Variants in ABCA3 observed in about 807,000 individuals in gnomAD.
ABCA3 encodes the protein ATP binding cassette subfamily A member 3.
A neutral mutation model predicts 172.8 loss-of-function variants in ABCA3; 88 were observed. The observed-to-expected ratio is 0.51, with a 90% confidence interval of 0.43 to 0.61. ABCA3 has a LOEUF of 0.61. ABCA3 is among the 20% of genes least tolerant of loss of function. The probability of loss-of-function intolerance (pLI) is 0.00; values close to 1 mark genes in which losing one functional copy is unlikely to be tolerated. For synonymous variants in ABCA3, 1,066 were observed against 983.8 expected, an observed-to-expected ratio of 1.08 and a Z score of -1.56; for missense variants, 2,164 against 2,301.0, an observed-to-expected ratio of 0.94 and a Z score of 1.22.
At position 2,285,745 on chromosome 16, in the gene ABCA3, C is replaced by T. The variant is rs2093662146; in HGVS notation, c.3279-99G>A. Reference sequence around the variant, plus strand: ...TGACCGCCCAAGGCATGCAGGGCAGCAGCCCAACCACTAAAGGGGCTTATG... The same window carrying T: ...TGACCGCCCAAGGCATGCAGGGCAGTAGCCCAACCACTAAAGGGGCTTATG... On this transcript the variant is annotated intron_variant, in intron 22 of 32. Transcript: ENST00000301732. The surrounding 1 kb of genome is among the most constrained non-coding windows in gnomAD (Gnocchi z 4.7). The T allele has an allele frequency of 8.5e-7, 1 of 1,172,196 alleles. No individual in the cohort carries two copies. The highest frequency in any genetic ancestry group is 1.3e-5 in the South Asian group (1 of 75,762). The allele number at this position is 1,172,196 out of a possible 1,614,324, so 72.6% of individuals were successfully genotyped here.
At chr16:2,302,751 C>T (rs1165017534) in intron 12 of ABCA3, among the ~76,000 whole-genome samples, 1 of 151,698 alleles carries the variant, frequency 6.6e-6, no homozygotes, top group East Asian at 1.9e-4. Flanking sequence ...TCCCAAAGTG[C>T]TGGGATTACA....
In ABCA3 at chr16:2,285,750, C is replaced by T. The variant is rs1567338706; in HGVS notation, c.3279-104G>A. On this transcript the variant is annotated intron_variant, in intron 22 of 32. Transcript: ENST00000301732. The surrounding 1 kb of genome is among the most constrained non-coding windows in gnomAD (Gnocchi z 4.7). ...GCCCAAGGCATGCAGGGCAGCAGCC[C>T]AACCACTAAAGGGGCTTATGGGAGA... The T allele has an allele frequency of 8.8e-7, 1 of 1,137,024 alleles. No individual in the cohort carries two copies. The highest frequency in any genetic ancestry group is 1.5e-5 in the African/African-American group (1 of 65,076). 70.4% of individuals were successfully genotyped at this position (1,137,024 alleles called of 1,614,324 possible). A position where few individuals can be genotyped will look rare whatever the true frequency, so the allele number is the denominator to read the frequency against.
Position 2,276,307 on chromosome 16 carries a change from G to C in ABCA3, c.*367C>G, listed in dbSNP as rs2141685997. On this transcript the variant is annotated 3_prime_UTR_variant, in exon 33 of 33. Coordinates refer to ENST00000301732, the MANE Select transcript of ABCA3 (RefSeq NM_001089.3). ...GGAGATTAGTGTCGTGTGTAAACTT[G>C]GACAAGTCACTGGGTCCTCTCTCCA... 1 of 469,762 alleles carries C rather than the reference G, an allele frequency of 2.1e-6. No homozygotes were observed. Among genetic ancestry groups the C allele is most frequent in the East Asian group, 6.5e-5 (1 of 15,422 alleles). 29.1% of individuals were successfully genotyped at this position (469,762 alleles called of 1,614,324 possible). A position where few individuals can be genotyped will look rare whatever the true frequency, so the allele number is the denominator to read the frequency against.
chr16:2,318,009 G>T (rs1334206295), intron 8 of ABCA3, among the ~76,000 whole-genome samples: 1 of 152,192 alleles, frequency 6.6e-6, no homozygotes, highest in Non-Finnish European at 1.5e-5. Flanking sequence ...CCTCCATTCT[G>T]TAGAGCGATT....
At position 2,297,781 on chromosome 16, in the gene ABCA3, G is replaced by A. The variant is rs367578394; in HGVS notation, c.2037C>T (p.Leu679=). The A allele has an allele frequency of 5.6e-6, 9 of 1,612,532 alleles. No individual in the cohort carries two copies. The highest frequency in any genetic ancestry group is 4.2e-6 in the Non-Finnish European group (5 of 1,180,046). Residue 679 remains leucine, a synonymous_variant, in exon 16 of 33, where the codon CTC becomes CTT. Coordinates refer to ENST00000301732, the MANE Select transcript of ABCA3 (RefSeq NM_001089.3). The surrounding 1 kb of genome is among the most constrained non-coding windows in gnomAD (Gnocchi z 5.6). The part of the protein sequence containing the change: ...MRRKLSIGIA[L]IAGSKVLILD... ...ACCGCCACACCTTGGAGCCTGCGAT[G>A]AGGGCGATGCCGATGGAGAGCTTGC...
In ABCA3 at chr16:2,284,753, G is replaced by T; in HGVS notation, c.3703+26C>A. ...AGTGGCTCCGTGGATGGCCATGGGG[G>T]CTGCGGGTGGTCTCCAGGTGCCCAC... is the stretch of plus-strand genomic sequence containing the variant. On this transcript the variant is annotated intron_variant, in intron 24 of 32. Transcript: ENST00000301732. The surrounding 1 kb of genome is among the most constrained non-coding windows in gnomAD (Gnocchi z 5.9). 1.9e-6 allele frequency: 3 copies of T among 1,605,548 alleles called. No individual in the cohort carries two copies. Among genetic ancestry groups the T allele is most frequent in the Non-Finnish European group, 1.7e-6 (2 of 1,176,084 alleles).
chr16:2,290,794 G>T (rs913389132), intron 19 of ABCA3, among the ~76,000 whole-genome samples: 9 of 152,192 alleles, frequency 5.9e-5, no homozygotes, highest in Admixed American at 2.0e-4. Flanking sequence ...GCACCACCAT[G>T]TCCTGCATGT....
Position 2,321,909 on chromosome 16 carries a change from C to G in ABCA3, c.613+1614G>C, listed in dbSNP as rs550248190. Among the ~76,000 whole-genome samples the G allele has an allele frequency of 5.3e-5, 8 of 152,266 alleles. No individual in the cohort carries two copies. The South Asian group carries it at 1.7e-3, about 32-fold the overall frequency. ...GAACTCAAACGGGAGCTTTTAAAAGCTGACGTACAGCCGGGTGTGGTGGCT... is the reference window on the plus strand; with the variant it reads ...GAACTCAAACGGGAGCTTTTAAAAGGTGACGTACAGCCGGGTGTGGTGGCT... On this transcript the variant is annotated intron_variant, in intron 7 of 32. Coordinates refer to ENST00000301732, the MANE Select transcript of ABCA3 (RefSeq NM_001089.3).
Position 2,334,515 on chromosome 16 carries a change from A to AT in ABCA3, c.-538-4662dup, listed in dbSNP as rs35067281. ...TGGATGAAATGCCCAAACACCAGTAATTTTTTTTTTTTTTTTTGAGACGGC... is the reference window on the plus strand; with the variant it reads ...TGGATGAAATGCCCAAACACCAGTAATTTTTTTTTTTTTTTTTTGAGACGGC... On this transcript the variant is annotated intron_variant, in intron 1 of 32. Coordinates refer to ENST00000301732, the MANE Select transcript of ABCA3 (RefSeq NM_001089.3). Among the ~76,000 whole-genome samples the AT allele has an allele frequency of 6.6e-3, 926 of 140,612 alleles. 2 individuals carry two copies. Among genetic ancestry groups the AT allele is most frequent in the Non-Finnish European group, 8.3e-3 (535 of 64,182 alleles). 92.2% of individuals were successfully genotyped at this position (140,612 alleles called of 152,430 possible).
intron 12 of ABCA3, among the ~76,000 whole-genome samples, chr16:2,303,012 T>C (rs1355320172): frequency 6.6e-6 from 1 of 151,906 alleles, no homozygotes; most frequent in Non-Finnish European, 1.5e-5. Context: ...CTGGCCAGGC[T>C]GGTCTCAAAC....
Position 2,317,641 on chromosome 16 carries a change from T to G in ABCA3, c.990+7A>C, listed in dbSNP as rs757017939. 10 of 1,613,980 alleles carry G rather than the reference T, an allele frequency of 6.2e-6. No homozygotes were observed. Among genetic ancestry groups the G allele is most frequent in the Non-Finnish European group, 2.5e-6 (3 of 1,179,948 alleles). Reference sequence around the variant, plus strand: ...CCTCACCAGAGCCCCACCGACGCCATGCTCACCTTGACACAGAAGAGCAGG... The same window carrying G: ...CCTCACCAGAGCCCCACCGACGCCAGGCTCACCTTGACACAGAAGAGCAGG... On this transcript the variant is annotated splice_region_variant and intron_variant, in intron 9 of 32. Coordinates refer to ENST00000301732, the MANE Select transcript of ABCA3 (RefSeq NM_001089.3).
In ABCA3 at chr16:2,279,160, G is replaced by A; in HGVS notation, c.4360-30C>T. On this transcript the variant is annotated intron_variant, in intron 28 of 32. Transcript: ENST00000301732. The surrounding 1 kb of genome is among the most constrained non-coding windows in gnomAD (Gnocchi z 4.4). ...GGTCGGAGCATAGCCGGGGAGGGAG[G>A]CGGGTTGGAGGGAAGCCTCCTTCCT... 6.2e-7 allele frequency: 1 copy of A among 1,606,054 alleles called. No homozygotes were observed. The highest frequency in any genetic ancestry group is 1.1e-5 in the South Asian group (1 of 90,972).
chr16:2,339,676 C>T (rs1480206368), intron 1 of ABCA3, among the ~76,000 whole-genome samples: 2 of 152,224 alleles, frequency 1.3e-5, no homozygotes, highest in East Asian at 1.9e-4. Context: ...TTCTGGAGTT[C>T]CAGGAACACA....
At chr16:2,332,492 T>TG (rs2093744906) in intron 1 of ABCA3, 1 of 927,636 alleles carries the variant, frequency 1.1e-6, no homozygotes, top group Non-Finnish European at 1.7e-6. Context: ...GCTTTGGAGA[T>TG]GGACTGACGG....
chr16:2,297,994 TGA>T lies in ABCA3; in HGVS notation c.1897-75_1897-74del. 6.7e-7 allele frequency: 1 copy of T among 1,493,850 alleles called. No individual in the cohort carries two copies. Among genetic ancestry groups the T allele is most frequent in the South Asian group, 1.1e-5 (1 of 87,598 alleles). The allele number at this position is 1,493,850 out of a possible 1,614,324, so 92.5% of individuals were successfully genotyped here. A position where few individuals can be genotyped will look rare whatever the true frequency, so the allele number is the denominator to read the frequency against. On this transcript the variant is annotated intron_variant, in intron 15 of 32. Transcript: ENST00000301732. This position sits in a 1 kb window ranked among gnomAD's most constrained non-coding sequence, Gnocchi z 5.6. ...CCGACCCTGGCCAGCGAGGTTCTGG[TGA>T]GAGGAACCTCTCCTTGACGTAGCTG...
At chr16:2,339,195 G>A (rs1221360908) in intron 1 of ABCA3, 6 of 152,176 alleles carry the variant, frequency 3.9e-5, no homozygotes, top group African/African-American at 4.8e-5. Flanking sequence ...ATCTTACCTG[G>A]GCCTTCCCAG....
intron 10 of ABCA3, among the ~76,000 whole-genome samples, chr16:2,309,505 G>C (rs560628626): frequency 6.6e-6 from 1 of 152,212 alleles, no homozygotes; most frequent in Non-Finnish European, 1.5e-5. Flanking sequence ...GGAAGGCTTC[G>C]AGGAGGTGAC....
chr16:2,293,763 G>T (rs894140834), intron 18 of ABCA3, among the ~76,000 whole-genome samples: 5 of 151,388 alleles, frequency 3.3e-5, no homozygotes, highest in African/African-American at 1.2e-4. Flanking sequence ...GGATGGTCTC[G>T]ATCTCCTGAC....
In ABCA3 at chr16:2,277,372, G is replaced by A. The variant is rs1414661686; in HGVS notation, c.4983+225C>T. 6.6e-6 allele frequency among the ~76,000 whole-genome samples: 1 copy of A among 152,166 alleles called. No homozygotes were observed. Among genetic ancestry groups the A allele is most frequent in the Non-Finnish European group, 1.5e-5 (1 of 68,030 alleles). ...CCAAAGTGCTGGGATTATGGTGTGA[G>A]CCACCATCCCTGACCCCTTTCCTGT... On this transcript the variant is annotated intron_variant, in intron 32 of 32. Transcript: ENST00000301732. This position sits in a 1 kb window ranked among gnomAD's most constrained non-coding sequence, Gnocchi z 5.3.
Sources: gnomAD v4.1 joint callset for allele counts (sites outside exome capture counted in the v4.1 genomes callset) on GRCh38, gnomAD v4.1.1 for gene constraint, Gnocchi (gnomAD v3.1) non-coding constraint, MANE v1.5 for transcripts, NCBI Gene and HGNC (gene_info 2026-07-23, HGNC 2026-07-21) for gene names.